The following PLA2G6 variants were observed in gnomAD, a reference collection of about 807,000 sequenced individuals.
PLA2G6 encodes phospholipase A2 group VI, also known as 85/88 kDa calcium-independent phospholipase A2.
PLA2G6 carries 62 observed loss-of-function variants against 83.8 expected under a neutral mutation model. That is an observed-to-expected ratio of 0.74 (90% CI 0.60 to 0.91). The LOEUF (loss-of-function observed/expected upper bound fraction) is 0.91, where lower values mean the gene tolerates loss of function less well. Ranked by LOEUF, PLA2G6 falls within the 40% of genes least tolerant of loss-of-function variation. The pLI is 0.00. For synonymous variants in PLA2G6, 417 were observed against 449.8 expected, an observed-to-expected ratio of 0.93 and a Z score of 0.92; for missense variants, 944 against 1,102.0, an observed-to-expected ratio of 0.86 and a Z score of 2.03.
intron 10 of PLA2G6, among the ~76,000 whole-genome samples, chr22:38,125,158 C>T (rs1047875810): frequency 2.6e-5 from 4 of 152,014 alleles, no homozygotes; most frequent in African/African-American, 9.7e-5. Context: ...GTGTGGGTGT[C>T]CATGTGCATG....
At chr22:38,135,191 C>T in intron 5 of PLA2G6, 107 bp from the exon 6 acceptor site, 1 of 788,662 alleles carries the variant, frequency 1.3e-6, no homozygotes, top group Non-Finnish European at 2.2e-6. Context: ...AGCATCACTG[C>T]AAACAAAGTT....
At chr22:38,177,363 G>A (rs1218593513) in intron 1 of PLA2G6, among the ~76,000 whole-genome samples, 2 of 151,966 alleles carry the variant, frequency 1.3e-5, no homozygotes, top group East Asian at 3.9e-4. Flanking sequence ...GTGGGAAAGG[G>A]CTTGATCCCA....
chr22:38,179,252 G>A (rs1201017080), intron 1 of PLA2G6, among the ~76,000 whole-genome samples: 3 of 152,228 alleles, frequency 2.0e-5, no homozygotes, highest in African/African-American at 7.2e-5. Context: ...AGGGGGCCAG[G>A]CATGTGCCAT....
chr22:38,176,476 C>T (rs971453161), intron 1 of PLA2G6, among the ~76,000 whole-genome samples: 1 of 152,212 alleles, frequency 6.6e-6, no homozygotes, highest in African/African-American at 2.4e-5. Context: ...ATTGGAACAA[C>T]TGTTGGATGG....
At chr22:38,180,935 C>T (rs573429958) in intron 1 of PLA2G6, among the ~76,000 whole-genome samples, 2 of 152,322 alleles carry the variant, frequency 1.3e-5, no homozygotes, top group East Asian at 1.9e-4. Context: ...ACCGAACCTG[C>T]CTGACATCCT....
Position 38,123,002 on chromosome 22 carries a change from ACT to A in PLA2G6, c.1591+91_1591+92del, listed in dbSNP as rs1175336795. 8.0e-7 allele frequency: 1 copy of A among 1,246,008 alleles called. No homozygotes were observed. The highest frequency in any genetic ancestry group is 1.1e-6 in the Non-Finnish European group (1 of 884,530). 77.2% of individuals were successfully genotyped at this position (1,246,008 alleles called of 1,614,324 possible). ...GCTTATAGCCCTCCTCTACTCCTCC[ACT>A]CTCTTTTTGCAAAGCCCTGAAGACA... is the stretch of plus-strand genomic sequence containing the variant. On this transcript the variant is annotated intron_variant, in intron 11 of 16. Transcript: ENST00000332509. This position sits in a 1 kb window ranked among gnomAD's most constrained non-coding sequence, Gnocchi z 4.1.
intron 2 of PLA2G6, among the ~76,000 whole-genome samples, chr22:38,159,577 A>T (rs975331312): frequency 1.3e-5 from 2 of 152,104 alleles, no homozygotes; most frequent in Non-Finnish European, 2.9e-5. Context: ...AAAAATTTTT[A>T]AAATTAGCCA....
intron 3 of PLA2G6, chr22:38,145,030 A>AC (rs200204496): frequency 0.053 from 14,688 of 276,202 alleles, 549 homozygotes; most frequent in East Asian, 0.15. Context: ...GCAACGCAGC[A>AC]CCTTTTTTTT....
intron 7 of PLA2G6, among the ~76,000 whole-genome samples, chr22:38,130,035 G>A (rs1484753299): frequency 6.6e-6 from 1 of 152,128 alleles, no homozygotes; most frequent in Non-Finnish European, 1.5e-5. Context: ...GGCAGCCTTC[G>A]GGGGAGTGTC....
intron 2 of PLA2G6, among the ~76,000 whole-genome samples, chr22:38,168,369 C>G (rs1275963439): frequency 6.6e-6 from 1 of 152,242 alleles, no homozygotes; most frequent in Non-Finnish European, 1.5e-5. Flanking sequence ...GCATTTGGAA[C>G]CTTGGCTGCT....
chr22:38,151,650 T>G (rs1180071417), intron 2 of PLA2G6, among the ~76,000 whole-genome samples: 1 of 152,140 alleles, frequency 6.6e-6, no homozygotes, highest in Non-Finnish European at 1.5e-5. Flanking sequence ...TCTAAATAAG[T>G]ATTGATGGTA....
chr22:38,118,752 TG>T (rs1370189702), intron 12 of PLA2G6, among the ~76,000 whole-genome samples: 10 of 123,636 alleles, frequency 8.1e-5, no homozygotes, highest in African/African-American at 2.5e-4. Context: ...TGTTTGTTTT[TG>T]TTTTTTTTTT....
intron 2 of PLA2G6, among the ~76,000 whole-genome samples, chr22:38,164,751 A>C (rs2090151406): frequency 6.6e-6 from 1 of 152,080 alleles, no homozygotes; most frequent in African/African-American, 2.4e-5. Context: ...TCACTCTAAC[A>C]CGCGTCAAGT....
intron 12 of PLA2G6, among the ~76,000 whole-genome samples, chr22:38,117,298 C>T (rs1002531819): frequency 5.3e-5 from 8 of 152,156 alleles, no homozygotes; most frequent in African/African-American, 1.9e-4. Context: ...GATCTGCCTC[C>T]CGGGTTCACG....
intron 15 of PLA2G6, among the ~76,000 whole-genome samples, chr22:38,113,091 G>A (rs1353924211): frequency 6.6e-6 from 1 of 152,056 alleles, no homozygotes; most frequent in African/African-American, 2.4e-5. Flanking sequence ...TTTTTTGGTA[G>A]AGACAAAGTC....
intron 2 of PLA2G6, 182 bp from the exon 3 acceptor site, chr22:38,145,835 C>CACACACACACACACACACACACACACACA (rs2089230063): frequency 2.4e-6 from 1 of 420,864 alleles, no homozygotes; most frequent in Non-Finnish European, 4.1e-6. Flanking sequence ...ACACACACAC[C>CACACACACACACACACACACACACACACA]CCTATACACA....
chr22:38,173,138 T>C (rs1471141565), intron 1 of PLA2G6, among the ~76,000 whole-genome samples: 2 of 152,092 alleles, frequency 1.3e-5, no homozygotes. Context: ...CTTCCTTCTG[T>C]CCCTGCCACC....
chr22:38,153,346 C>A (rs1272520841), intron 2 of PLA2G6, among the ~76,000 whole-genome samples: 1 of 152,214 alleles, frequency 6.6e-6, no homozygotes. Flanking sequence ...CGGCCCCCGC[C>A]CTGTCTGGGA....
intron 1 of PLA2G6, among the ~76,000 whole-genome samples, chr22:38,170,978 CTGACCAACA>C (rs2090413614): frequency 6.6e-6 from 1 of 152,132 alleles, no homozygotes; most frequent in East Asian, 1.9e-4. Flanking sequence ...TGAGACCAGC[CTGACCAACA>C]TGGAGAAACC....
Sources: allele counts gnomAD v4.1 joint callset (sites outside exome capture counted in the v4.1 genomes callset), GRCh38; gene constraint gnomAD v4.1.1; non-coding constraint Gnocchi (gnomAD v3.1); transcripts MANE v1.5; gene names NCBI Gene and HGNC (gene_info 2026-07-23, HGNC 2026-07-21).